The following CFDP1 variants were observed in gnomAD, a reference collection of about 807,000 sequenced individuals.
CFDP1 encodes heterochromatin-stabilizing protein CFDP1.
In CFDP1, 31 loss-of-function variants were observed where a neutral mutation model predicts 40.1. The observed-to-expected ratio is 0.77, with a 90% CI of 0.58 to 1.04. The LOEUF (loss-of-function observed/expected upper bound fraction) is 1.04, where lower values mean the gene tolerates loss of function less well. Among genes scored for constraint, CFDP1 ranks in the 50% least tolerant of loss-of-function variants. CFDP1 has a pLI of 0.00. For synonymous variants in CFDP1, 167 were observed against 120.0 expected, an observed-to-expected ratio of 1.39 and a Z score of -2.56; for missense variants, 423 against 343.4, an observed-to-expected ratio of 1.23 and a Z score of -1.83.
intron 5 of CFDP1, among the ~76,000 whole-genome samples, chr16:75,320,560 C>T (rs900504961): frequency 6.6e-6 from 1 of 152,244 alleles, no homozygotes; most frequent in African/African-American, 2.4e-5. Flanking sequence ...CACGATCTCC[C>T]TGCTGTGAGA....
intron 4 of CFDP1, among the ~76,000 whole-genome samples, chr16:75,399,306 G>A (rs1014111373): frequency 2.0e-5 from 3 of 152,148 alleles, no homozygotes; most frequent in African/African-American, 7.2e-5. Flanking sequence ...GCAGGGTTCT[G>A]GAGTACTAAA....
At chr16:75,314,444 T>C (rs2078312591) in intron 5 of CFDP1, among the ~76,000 whole-genome samples, 1 of 151,966 alleles carries the variant, frequency 6.6e-6, no homozygotes, top group South Asian at 2.1e-4. Context: ...AGAAAGTAGA[T>C]TAAGGGTTGC....
intron 5 of CFDP1, among the ~76,000 whole-genome samples, chr16:75,388,504 G>A (rs748289442): frequency 6.6e-6 from 1 of 152,200 alleles, no homozygotes; most frequent in African/African-American, 2.4e-5. Flanking sequence ...AAGCCACTGA[G>A]TAGGGACCAC....
intron 5 of CFDP1, 166 bp downstream of exon 5, chr16:75,394,924 A>G: frequency 1.2e-6 from 1 of 869,524 alleles, no homozygotes; most frequent in Non-Finnish European, 1.7e-6. Flanking sequence ...GTTATGGCTA[A>G]TTTTCCTTTG....
At chr16:75,419,121 A>G in intron 1 of CFDP1, 1 of 370,886 alleles carries the variant, frequency 2.7e-6, no homozygotes, top group Non-Finnish European at 5.5e-6. Context: ...ATAAATAATA[A>G]TAAAAAAAGA....
At chr16:75,314,442 G>A (rs1405699682) in intron 5 of CFDP1, among the ~76,000 whole-genome samples, 1 of 152,148 alleles carries the variant, frequency 6.6e-6, no homozygotes, top group African/African-American at 2.4e-5. Context: ...ACAGAAAGTA[G>A]ATTAAGGGTT....
chr16:75,428,594 G>C (rs1010864855), intron 1 of CFDP1, among the ~76,000 whole-genome samples: 5 of 151,556 alleles, frequency 3.3e-5, no homozygotes, highest in African/African-American at 9.7e-5. Flanking sequence ...TCCAGCCTGG[G>C]TGACAGAGCT....
At chr16:75,332,286 G>T (rs1329793130) in intron 5 of CFDP1, among the ~76,000 whole-genome samples, 1 of 152,022 alleles carries the variant, frequency 6.6e-6, no homozygotes. Context: ...ACAATATGGT[G>T]AAACCCCATC....
At chr16:75,385,441 A>AAAC (rs545918306) in intron 5 of CFDP1, among the ~76,000 whole-genome samples, 13 of 152,114 alleles carry the variant, frequency 8.5e-5, no homozygotes, top group African/African-American at 2.7e-4. Flanking sequence ...TTGTAATTTA[A>AAAC]AACAACAACA....
At chr16:75,355,605 T>A (rs2078639973) in intron 5 of CFDP1, among the ~76,000 whole-genome samples, 4 of 152,186 alleles carry the variant, frequency 2.6e-5, no homozygotes, top group Admixed American at 2.6e-4. Flanking sequence ...TATCCCCATC[T>A]AAATCTCACC....
At chr16:75,413,282 G>C (rs993068445) in intron 2 of CFDP1, among the ~76,000 whole-genome samples, 3 of 152,104 alleles carry the variant, frequency 2.0e-5, no homozygotes. Context: ...AAAAATTCAA[G>C]GACAGGCCAG....
intron 5 of CFDP1, among the ~76,000 whole-genome samples, chr16:75,337,770 A>G (rs1403183877): frequency 6.6e-6 from 1 of 152,114 alleles, no homozygotes; most frequent in Non-Finnish European, 1.5e-5. Flanking sequence ...GTCCATGCCC[A>G]TGATCCAATC....
intron 1 of CFDP1, among the ~76,000 whole-genome samples, chr16:75,429,730 T>A (rs1461247297): frequency 1.3e-5 from 2 of 152,232 alleles, no homozygotes; most frequent in Non-Finnish European, 2.9e-5. Flanking sequence ...GCAAAGACTG[T>A]TTCAGAAGAT....
chr16:75,358,974 T>C (rs2078664168), intron 5 of CFDP1, among the ~76,000 whole-genome samples: 1 of 152,242 alleles, frequency 6.6e-6, no homozygotes, highest in South Asian at 2.1e-4. Context: ...GTTACATCAC[T>C]GTTCACATTT....
At chr16:75,329,251 G>A (rs2078427468) in intron 5 of CFDP1, among the ~76,000 whole-genome samples, 2 of 152,164 alleles carry the variant, frequency 1.3e-5, no homozygotes, top group Non-Finnish European at 2.9e-5. Context: ...CTCTCAAAGT[G>A]CTAGGATTAC....
At chr16:75,325,844 T>A (rs1395546141) in intron 5 of CFDP1, among the ~76,000 whole-genome samples, 1 of 152,208 alleles carries the variant, frequency 6.6e-6, no homozygotes, top group Non-Finnish European at 1.5e-5. Flanking sequence ...ACAGGGGAAC[T>A]AAGTACTTCA....
At chr16:75,321,148 C>T (rs1409289124) in intron 5 of CFDP1, among the ~76,000 whole-genome samples, 1 of 151,960 alleles carries the variant, frequency 6.6e-6, no homozygotes, top group African/African-American at 2.4e-5. Context: ...ATTATTTTTA[C>T]AAGACAAGAT....
intron 4 of CFDP1, 56 bp from the exon 5 acceptor site, chr16:75,395,265 G>C: frequency 1.9e-6 from 3 of 1,578,850 alleles, no homozygotes; most frequent in East Asian, 4.5e-5. Context: ...AAAGAAACAA[G>C]CTAGAAAAGG....
intron 5 of CFDP1, among the ~76,000 whole-genome samples, chr16:75,393,737 C>CAAAAAAAA (rs61344775): frequency 6.2e-5 from 5 of 80,620 alleles, no homozygotes; most frequent in African/African-American, 1.7e-4. Context: ...GACTCCGTCG[C>CAAAAAAAA]AAAAAAAAAA....
Sources: allele counts gnomAD v4.1 joint callset (sites outside exome capture counted in the v4.1 genomes callset), GRCh38; gene constraint gnomAD v4.1.1; transcripts MANE v1.5; gene names NCBI Gene and HGNC (gene_info 2026-07-23, HGNC 2026-07-21).